Variants in NLGN1 observed in about 807,000 individuals in gnomAD.
NLGN1 encodes the protein neuroligin-1.
In NLGN1, 12 loss-of-function variants were observed where a neutral mutation model predicts 65.5. The observed-to-expected ratio is 0.18, with a 90% confidence interval of 0.12 to 0.30. NLGN1 has a LOEUF of 0.30. Among genes scored for constraint, NLGN1 ranks in the 10% least tolerant of loss-of-function variants. NLGN1 has a pLI of 1.00. For missense variants in NLGN1, 750 were observed against 1,007.1 expected, an observed-to-expected ratio of 0.74 and a Z score of 3.46; for synonymous variants, 350 against 359.5, an observed-to-expected ratio of 0.97 and a Z score of 0.30.
At chr3:173,559,600 G>A (rs1291950508) in intron 2 of NLGN1, among the ~76,000 whole-genome samples, 1 of 152,036 alleles carries the variant, frequency 6.6e-6, no homozygotes, top group Non-Finnish European at 1.5e-5. Flanking sequence ...AAGGTGTTTT[G>A]ACTTCCCCTA....
chr3:173,788,366 A>G (rs1560372397), intron 3 of NLGN1, among the ~76,000 whole-genome samples: 2 of 152,078 alleles, frequency 1.3e-5, no homozygotes, highest in African/African-American at 4.8e-5. Context: ...TAAAATATCA[A>G]TTGATTTTCT....
At chr3:173,658,115 C>T (rs1760358116) in intron 3 of NLGN1, among the ~76,000 whole-genome samples, 1 of 151,920 alleles carries the variant, frequency 6.6e-6, no homozygotes, top group South Asian at 2.1e-4. Flanking sequence ...TGGTGACAGT[C>T]TACATTATTA....
intron 4 of NLGN1, among the ~76,000 whole-genome samples, chr3:173,983,929 G>A (rs945534406): frequency 1.3e-5 from 2 of 152,056 alleles, no homozygotes; most frequent in African/African-American, 4.8e-5. Flanking sequence ...TTTGCAGAAG[G>A]CACTCCAATA....
chr3:174,025,295 A>G (rs1408761614), intron 4 of NLGN1, among the ~76,000 whole-genome samples: 1 of 152,226 alleles, frequency 6.6e-6, no homozygotes, highest in Non-Finnish European at 1.5e-5. Flanking sequence ...TTTTAAAAGT[A>G]TGACTTAAAC....
intron 4 of NLGN1, among the ~76,000 whole-genome samples, chr3:174,270,413 T>C (rs539865091): frequency 6.6e-6 from 1 of 151,864 alleles, no homozygotes; most frequent in South Asian, 2.1e-4. Context: ...CTTTTGCCAT[T>C]GCATAGTCTT....
intron 2 of NLGN1, among the ~76,000 whole-genome samples, chr3:173,583,509 ATTAT>A (rs1304851922): frequency 6.6e-6 from 1 of 151,580 alleles, no homozygotes; most frequent in African/African-American, 2.4e-5. Flanking sequence ...AAAAGGCTTA[ATTAT>A]TTAGTCAGTT....
At chr3:173,720,935 A>G (rs1770733168) in intron 3 of NLGN1, among the ~76,000 whole-genome samples, 1 of 152,182 alleles carries the variant, frequency 6.6e-6, no homozygotes, top group Non-Finnish European at 1.5e-5. Context: ...GAGTATGGAG[A>G]GGAAGACTAC....
chr3:173,609,849 G>A (rs774202999), intron 3 of NLGN1, among the ~76,000 whole-genome samples: 5 of 151,876 alleles, frequency 3.3e-5, no homozygotes, highest in Admixed American at 6.6e-5. Flanking sequence ...GTGCTGGTAT[G>A]GAGAGTGAAA....
At chr3:173,543,404 C>T (rs1397591775) in intron 2 of NLGN1, among the ~76,000 whole-genome samples, 1 of 152,114 alleles carries the variant, frequency 6.6e-6, no homozygotes. Context: ...ATCTTTCATT[C>T]CCAGCATTAT....
At chr3:173,804,998 C>G (rs2150432004) in intron 3 of NLGN1, among the ~76,000 whole-genome samples, 1 of 152,194 alleles carries the variant, frequency 6.6e-6, no homozygotes, top group South Asian at 2.1e-4. Flanking sequence ...TGCACTCCAG[C>G]CTGGGTGACG....
intron 4 of NLGN1, among the ~76,000 whole-genome samples, chr3:173,937,854 T>C (rs1307668172): frequency 6.6e-6 from 1 of 152,206 alleles, no homozygotes; most frequent in East Asian, 1.9e-4. Context: ...AAGATATACA[T>C]TAGTGTTTAC....
chr3:174,159,951 C>T (rs1726187581), intron 4 of NLGN1, among the ~76,000 whole-genome samples: 1 of 151,746 alleles, frequency 6.6e-6, no homozygotes, highest in Non-Finnish European at 1.5e-5. Context: ...TTCATGAGTA[C>T]TTGAAGTGGG....
chr3:173,568,914 G>T (rs1380355369), intron 2 of NLGN1, among the ~76,000 whole-genome samples: 2 of 152,078 alleles, frequency 1.3e-5, no homozygotes, highest in Admixed American at 1.3e-4. Context: ...TCCTGACCTT[G>T]TGATCCACCG....
At chr3:174,268,680 A>C (rs944585603) in intron 4 of NLGN1, among the ~76,000 whole-genome samples, 1 of 152,088 alleles carries the variant, frequency 6.6e-6, no homozygotes, top group African/African-American at 2.4e-5. Context: ...AGATGGTGAA[A>C]GTTTGGAATT....
At chr3:173,415,924 G>GAC (rs1713663113) in intron 1 of NLGN1, among the ~76,000 whole-genome samples, 1 of 139,362 alleles carries the variant, frequency 7.2e-6, no homozygotes, top group Non-Finnish European at 1.5e-5. Context: ...GAGAGGGAGA[G>GAC]AGAGAGAGAG....
intron 4 of NLGN1, among the ~76,000 whole-genome samples, chr3:173,863,521 A>G (rs1211415516): frequency 6.6e-6 from 1 of 152,174 alleles, no homozygotes; most frequent in South Asian, 2.1e-4. Flanking sequence ...CCTCAATTTC[A>G]TTGTAAATGC....
chr3:174,113,902 A>T (rs1045823640), intron 4 of NLGN1, among the ~76,000 whole-genome samples: 3 of 152,160 alleles, frequency 2.0e-5, no homozygotes, highest in African/African-American at 7.2e-5. Flanking sequence ...CTCTTTTTAT[A>T]GTTACGACGG....
At chr3:173,991,492 C>G (rs548751793) in intron 4 of NLGN1, among the ~76,000 whole-genome samples, 2 of 152,120 alleles carry the variant, frequency 1.3e-5, no homozygotes, top group South Asian at 4.1e-4. Flanking sequence ...TCTTCCCTGT[C>G]GAATAGAATG....
chr3:173,791,522 T>A (rs1712741940), intron 3 of NLGN1, among the ~76,000 whole-genome samples: 1 of 111,872 alleles, frequency 8.9e-6, no homozygotes, highest in Non-Finnish European at 1.9e-5. Flanking sequence ...TTTCTTCTGT[T>A]TTTTTTTTTT....
Sources: allele counts gnomAD v4.1 joint callset (sites outside exome capture counted in the v4.1 genomes callset), GRCh38; gene constraint gnomAD v4.1.1; transcripts MANE v1.5; gene names NCBI Gene and HGNC (gene_info 2026-07-23, HGNC 2026-07-21).